LRRC25: variants seen among roughly 807,000 people sequenced by gnomAD.
LRRC25 encodes leucine-rich repeat-containing protein 25.
In LRRC25, 5 loss-of-function variants were observed where a neutral mutation model predicts 18.8. The ratio of observed to expected loss-of-function variants is 0.27; its 90% CI spans 0.14 to 0.56. The LOEUF is 0.56. Ranked by LOEUF, LRRC25 falls within the 20% of genes least tolerant of loss-of-function variation. LRRC25 has a pLI of 0.93. For synonymous variants in LRRC25, 161 were observed against 176.8 expected (o/e 0.91, Z 0.71); for missense variants, 341 against 389.8 (o/e 0.87, Z 1.05).
Position 18,397,370 on chromosome 19 carries a change from TG to T in LRRC25, c.-408del, listed in dbSNP as rs1197049909. Reference sequence around the variant, plus strand: ...GTCGCTGGGAAGTCCTGGGATAGGGTGGAGTGGGGGCTGCTGAAAGGGTCCT... The same window carrying T: ...GTCGCTGGGAAGTCCTGGGATAGGGTGAGTGGGGGCTGCTGAAAGGGTCCT... On this transcript the variant is annotated 5_prime_UTR_variant, in exon 1 of 2. Transcript: ENST00000339007. The T allele has an allele frequency of 6.1e-5, 14 of 230,304 alleles. No homozygotes were observed. Among genetic ancestry groups the T allele is most frequent in the Non-Finnish European group, 4.4e-5 (5 of 114,360 alleles). 14.3% of individuals were successfully genotyped at this position (230,304 alleles called of 1,614,324 possible).
intron 1 of LRRC25, among the ~76,000 whole-genome samples, chr19:18,395,388 AAT>A (rs1423941458): frequency 1.3e-5 from 2 of 151,612 alleles, no homozygotes; most frequent in Admixed American, 1.3e-4. Context: ...AAAAAAAAAA[AAT>A]CATCTAGTGG....
In LRRC25 at chr19:18,396,512, G is replaced by A. The variant is rs561518275; in HGVS notation, c.452C>T (p.Ala151Val). 2 of 1,613,640 alleles carry A rather than the reference G, an allele frequency of 1.2e-6. No individual in the cohort carries two copies. The highest frequency in any genetic ancestry group is 1.3e-5 in the African/African-American group (1 of 75,058). ...DTTSSQHNLS[A>V]FLEVSCAPGL... ...AGGGGCGCAGCTGACCTCCAGGAAGGCAGAGAGGTTGTGCTGGGAGCTGGT... is the reference window on the plus strand; with the variant it reads ...AGGGGCGCAGCTGACCTCCAGGAAGACAGAGAGGTTGTGCTGGGAGCTGGT... Residue 151 changes from alanine (A) to valine (V), a missense_variant, in exon 1 of 2, where the codon GCC becomes GTC. Ala to Val is a moderately conservative substitution (Grantham distance 64). Coordinates refer to ENST00000339007, the MANE Select transcript of LRRC25 (RefSeq NM_145256.3).
chr19:18,396,103 G>C, intron 1 of LRRC25, 82 bp downstream of exon 1: 2 of 1,494,622 alleles, frequency 1.3e-6, no homozygotes, highest in Non-Finnish European at 1.8e-6. Flanking sequence ...TCAAGCGGCA[G>C]AGCTGGGATT....
At chr19:18,396,113 T>G (rs1472934360) in intron 1 of LRRC25, 72 bp downstream of exon 1, 2 of 1,518,992 alleles carry the variant, frequency 1.3e-6, no homozygotes, top group East Asian at 2.3e-5. Flanking sequence ...GAGCTGGGAT[T>G]TGAACCTCGG....
At chr19:18,392,679 C>T (rs925651409) in intron 1 of LRRC25, among the ~76,000 whole-genome samples, 1 of 151,978 alleles carries the variant, frequency 6.6e-6, no homozygotes, top group Admixed American at 6.6e-5. Context: ...GACCCTGAAC[C>T]CTTTTTCCTT....
intron 1 of LRRC25, among the ~76,000 whole-genome samples, chr19:18,393,371 C>T (rs1349510815): frequency 6.6e-6 from 1 of 152,210 alleles, no homozygotes; most frequent in Admixed American, 6.5e-5. Context: ...GCCTATAATC[C>T]CAGCACTTTG....
chr19:18,396,137 GA>G (rs1158619495), intron 1 of LRRC25, 47 bp downstream of exon 1: 30 of 1,543,798 alleles, frequency 1.9e-5, no homozygotes, highest in Non-Finnish European at 2.5e-5. Context: ...TCTGGGTGTG[GA>G]GCCTTATTAT....
chr19:18,393,564 T>A (rs1164311882), intron 1 of LRRC25, among the ~76,000 whole-genome samples: 1 of 150,132 alleles, frequency 6.7e-6, no homozygotes, highest in Non-Finnish European at 1.5e-5. Context: ...AAGGTTGCAG[T>A]GAGCCGAGAT....
At position 18,397,210 on chromosome 19, in the gene LRRC25, A is replaced by T; in HGVS notation, c.-247T>A. 1.8e-6 allele frequency: 1 copy of T among 566,310 alleles called. No homozygotes were observed. The highest frequency in any genetic ancestry group is 2.9e-5 in the East Asian group (1 of 34,730). 35.1% of individuals were successfully genotyped at this position (566,310 alleles called of 1,614,324 possible). A position where few individuals can be genotyped will look rare whatever the true frequency, so the allele number is the denominator to read the frequency against. On this transcript the variant is annotated 5_prime_UTR_variant, in exon 1 of 2. Coordinates refer to ENST00000339007, the MANE Select transcript of LRRC25 (RefSeq NM_145256.3). ...GGAAGGCGAGGAGGAGATCCGGGCC[A>T]GTTAACCCCTTCTTCTATGTCCTGA... is the stretch of plus-strand genomic sequence containing the variant.
intron 1 of LRRC25, 84 bp downstream of exon 1, chr19:18,396,101 C>CA (rs1971964206): frequency 6.7e-7 from 1 of 1,488,068 alleles, no homozygotes; most frequent in African/African-American, 1.4e-5. Context: ...CTTCAAGCGG[C>CA]AGAGCTGGGA....
chr19:18,395,240 G>A (rs1269479741), intron 1 of LRRC25, among the ~76,000 whole-genome samples: 6 of 151,790 alleles, frequency 4.0e-5, no homozygotes, highest in South Asian at 2.1e-4. Flanking sequence ...GCGTGGTGGC[G>A]GGCGCCTGTA....
intron 1 of LRRC25, among the ~76,000 whole-genome samples, chr19:18,395,146 C>T (rs1377259365): frequency 2.6e-5 from 4 of 151,974 alleles, no homozygotes; most frequent in Non-Finnish European, 5.9e-5. Context: ...CTGAGGTGGG[C>T]GGATCACGAG....
rs201497964 is a variant in LRRC25 at position 18,392,996 on chromosome 19, A to T, written c.780-871T>A. Among the ~76,000 whole-genome samples the T allele has an allele frequency of 6.9e-4, 105 of 152,300 alleles. 2 individuals carry two copies. In the East Asian group the frequency reaches 0.02, roughly 28 times the overall value. On this transcript the variant is annotated intron_variant, in intron 1 of 1. Coordinates refer to ENST00000339007, the MANE Select transcript of LRRC25 (RefSeq NM_145256.3). The stretch of plus-strand genomic sequence containing the variant: ...CAGAGGGAGACCCCGTCTCAAAAAA[A>T]ACAGAAATTGAGGTAGCTGTTCATT...
chr19:18,396,928 C>T lies in LRRC25; in HGVS notation c.36G>A (p.Pro12=), dbSNP rs781418531. The T allele has an allele frequency of 3.7e-6, 6 of 1,611,112 alleles. No homozygotes were observed. In the East Asian group the frequency reaches 1.1e-4, roughly 30 times the overall value. ...GGTLAWTLLL[P]LLLRESDSLE... ...GGCTGTCTGACTCCCGCAGCAGCAG[C>T]GGCAACAGCAGCGTCCATGCCAGGG... The change falls in exon 1 of 2, where the codon CCG becomes CCA. Residue 12 remains proline (P), a synonymous_variant. Transcript: ENST00000339007.
rs202094186 is a variant in LRRC25, at chr19:18,396,277, G to A, written c.687C>T (p.Pro229=). Residue 229 remains proline, a synonymous_variant, in exon 1 of 2, where the codon CCC becomes CCT. Transcript: ENST00000339007. Reference sequence around the variant, plus strand: ...AGGGGCAGGATGGCACGGCCACTTGGGGCTTGGGGGCGCTCCGGCTGCCGT... The same window carrying A: ...AGGGGCAGGATGGCACGGCCACTTGAGGCTTGGGGGCGCTCCGGCTGCCGT... ...PRYGSRSAPK[P]QVAVPSCPST... 6 of 1,613,284 alleles carry A rather than the reference G, an allele frequency of 3.7e-6. No individual in the cohort carries two copies. Among genetic ancestry groups the A allele is most frequent in the Non-Finnish European group, 5.1e-6 (6 of 1,179,858 alleles).
rs750046178 is a variant in LRRC25 at position 18,396,587 on chromosome 19, A to G, written c.377T>C (p.Ile126Thr). 1 of 1,613,810 alleles carries G rather than the reference A, an allele frequency of 6.2e-7. No individual in the cohort carries two copies. The highest frequency in any genetic ancestry group is 8.5e-7 in the Non-Finnish European group (1 of 1,180,018). The stretch of plus-strand genomic sequence containing the variant: ...CTGGCCAGAGCAGTTGTCTCGGCGG[A>G]TGTCGTGCCAGGACTCCAGGGCACA... ...CNCALESWHD[I>T]RRDNCSGQKP... The change falls in exon 1 of 2, where the codon ATC becomes ACC. Residue 126 changes from isoleucine (I) to threonine (T), a missense_variant. By Grantham distance (89) the Ile-to-Thr change is moderately conservative. Transcript: ENST00000339007.
intron 1 of LRRC25, among the ~76,000 whole-genome samples, chr19:18,395,521 C>T (rs1971957193): frequency 1.3e-5 from 2 of 151,986 alleles, no homozygotes; most frequent in African/African-American, 2.4e-5. Flanking sequence ...TCACATGGGA[C>T]CTGGGCCTAT....
chr19:18,396,979 A>C lies in LRRC25; in HGVS notation c.-16T>G. The C allele has an allele frequency of 6.3e-7, 1 of 1,593,950 alleles. No individual in the cohort carries two copies. Among genetic ancestry groups the C allele is most frequent in the Non-Finnish European group, 8.5e-7 (1 of 1,170,868 alleles). ...TGCCCCCCATTCAAGCAACCTACGT[A>C]GAGACACCGGAATCCTAGCCCTGAC... is the stretch of plus-strand genomic sequence containing the variant. On this transcript the variant is annotated 5_prime_UTR_variant, in exon 1 of 2. Transcript: ENST00000339007.
intron 1 of LRRC25, among the ~76,000 whole-genome samples, chr19:18,393,477 G>A (rs1971926398): frequency 6.6e-6 from 1 of 152,342 alleles, no homozygotes; most frequent in East Asian, 1.9e-4. Flanking sequence ...AGCCGGGTGT[G>A]ATGGTGGGCG....
Sources: allele counts gnomAD v4.1 joint callset (sites outside exome capture counted in the v4.1 genomes callset), GRCh38; gene constraint gnomAD v4.1.1; transcripts MANE v1.5; gene names NCBI Gene and HGNC (gene_info 2026-07-23, HGNC 2026-07-21).